The following SLC25A39 variants were observed in gnomAD, a reference collection of about 807,000 sequenced individuals.
SLC25A39 encodes the protein mitochondrial glutathione transporter SLC25A39.
Under a neutral mutation model 46.6 loss-of-function variants are expected in SLC25A39, and 44 were observed. The observed-to-expected ratio is 0.94, with a 90% CI of 0.74 to 1.21. The LOEUF (loss-of-function observed/expected upper bound fraction) is 1.21. SLC25A39 is among the 50% of genes most tolerant of loss of function. SLC25A39 has a pLI of 0.00. For missense variants in SLC25A39, 487 were observed against 473.0 expected (o/e 1.03, Z -0.28); for synonymous variants, 218 against 190.6 (o/e 1.14, Z -1.19).
chr17:44,320,284 C>T lies in SLC25A39; in HGVS notation c.884-8G>A, dbSNP rs772169814. The T allele has an allele frequency of 2.5e-5, 41 of 1,613,552 alleles. 1 individual carries two copies. The highest frequency in any genetic ancestry group is 6.7e-5 in the African/African-American group (5 of 74,938). On this transcript the variant is annotated splice_region_variant and splice_polypyrimidine_tract_variant and intron_variant, in intron 10 of 11. Coordinates refer to ENST00000377095, the MANE Select transcript of SLC25A39 (RefSeq NM_001143780.3). ...CCACATGCAGGGGGTTCACTGCAAA[C>T]GCGAGGCCGGCTCAGTGAGACCCCA... is the stretch of plus-strand genomic sequence containing the variant.
intron 7 of SLC25A39, 41 bp downstream of exon 7, chr17:44,321,393 G>A (rs2048029041): frequency 1.9e-6 from 3 of 1,612,956 alleles, no homozygotes; most frequent in African/African-American, 1.3e-5. Flanking sequence ...TTGGGCCGAG[G>A]TGGGGACAGA....
rs1178350882 is a variant in SLC25A39, at chr17:44,323,470, G to A, written c.85+8C>T. The A allele has an allele frequency of 1.6e-6, 1 of 627,136 alleles. No homozygotes were observed. 38.8% of individuals were successfully genotyped at this position (627,136 alleles called of 1,614,324 possible). A position where few individuals can be genotyped will look rare whatever the true frequency, so the allele number is the denominator to read the frequency against. On this transcript the variant is annotated splice_region_variant and intron_variant, in intron 2 of 11. Coordinates refer to ENST00000377095, the MANE Select transcript of SLC25A39 (RefSeq NM_001143780.3). ...ACCCGCCCCCACCCCACCTCCCCTA[G>A]GTCTTACTGAAGAGAGAGGTAACCA... is the stretch of plus-strand genomic sequence containing the variant.
At position 44,321,524 on chromosome 17, in the gene SLC25A39, T is replaced by G; in HGVS notation, c.427A>C (p.Thr143Pro). Residue 143 changes from threonine (T) to proline (P), a missense_variant, in exon 7 of 12, where the codon ACT becomes CCT. Coordinates refer to ENST00000377095, the MANE Select transcript of SLC25A39 (RefSeq NM_001143780.3). ...AAGGCCTTCAGTTGGTCATAGGCAG[T>G]GAAGTAGATGGCGGTAGCTGGCACA... is the stretch of plus-strand genomic sequence containing the variant. ...MTVPATAIYF[T>P]AYDQLKAFLC... is the part of the protein sequence containing the mutation. 1.9e-6 allele frequency: 3 copies of G among 1,614,024 alleles called. No individual in the cohort carries two copies. Among genetic ancestry groups the G allele is most frequent in the Non-Finnish European group, 2.5e-6 (3 of 1,179,984 alleles).
At chr17:44,320,590 C>T (rs181608971) in intron 9 of SLC25A39, 32 bp downstream of exon 9, 16 of 1,597,506 alleles carry the variant, frequency 1.0e-5, no homozygotes, top group African/African-American at 6.7e-5. Flanking sequence ...GGGAGACCTC[C>T]GCTGGCCTCA....
Position 44,322,456 on chromosome 17 carries a change from G to T in SLC25A39, c.287C>A (p.Thr96Asn). The change falls in exon 5 of 12, where the codon ACC becomes AAC. Residue 96 changes from threonine to asparagine, a missense_variant. Coordinates refer to ENST00000377095, the MANE Select transcript of SLC25A39 (RefSeq NM_001143780.3). ...YLCPNGARCA[T>N]WFQDPTRFTG... Reference sequence around the variant, plus strand: ...GAAGCGGGTAGGGTCTTGAAACCAGGTGGCACAGCGGGCACCATTTGGGCA... The same window carrying T: ...GAAGCGGGTAGGGTCTTGAAACCAGTTGGCACAGCGGGCACCATTTGGGCA... 1 of 1,614,150 alleles carries T rather than the reference G, an allele frequency of 6.2e-7. No homozygotes were observed. Among genetic ancestry groups the T allele is most frequent in the South Asian group, 1.1e-5 (1 of 91,080 alleles).
chr17:44,320,909 G>T, intron 8 of SLC25A39, 149 bp downstream of exon 8: 2 of 1,071,786 alleles, frequency 1.9e-6, no homozygotes, highest in Non-Finnish European at 2.6e-6. Context: ...TACTCTACCT[G>T]CTAGGCCCAC....
intron 5 of SLC25A39, 37 bp from the exon 6 acceptor site, chr17:44,321,804 G>A (rs779476874): frequency 1.3e-6 from 2 of 1,593,222 alleles, no homozygotes; most frequent in South Asian, 1.1e-5. Context: ...GAAGAGGAGG[G>A]ACACAAGTGA....
intron 8 of SLC25A39, 37 bp from the exon 9 acceptor site, chr17:44,320,768 GGCA>G: frequency 3.9e-6 from 6 of 1,534,480 alleles, no homozygotes; most frequent in Non-Finnish European, 5.4e-6. Flanking sequence ...AGACGGGAAG[GGCA>G]AGGAAGTGGC....
chr17:44,320,553 T>G, intron 9 of SLC25A39, 69 bp downstream of exon 9: 1 of 1,576,650 alleles, frequency 6.3e-7, no homozygotes, highest in Non-Finnish European at 8.7e-7. Context: ...CTTCTGGGCA[T>G]CTCCAAAAAT....
rs375874965 is a variant in SLC25A39 at position 44,322,485 on chromosome 17, G to A, written c.258C>T (p.Tyr86=). 1.2e-4 allele frequency: 193 copies of A among 1,614,058 alleles called. No individual in the cohort carries two copies. The highest frequency in any genetic ancestry group is 1.6e-4 in the Non-Finnish European group (188 of 1,180,032). The part of the protein sequence containing the change: ...LYCNGVLEPL[Y]LCPNGARCAT... The stretch of plus-strand genomic sequence containing the variant: ...CACAGCGGGCACCATTTGGGCACAG[G>A]TACAGAGGCTCCAGGACACCATTGC... Residue 86 remains tyrosine, a synonymous_variant, in exon 5 of 12, where the codon TAC becomes TAT. Coordinates refer to ENST00000377095, the MANE Select transcript of SLC25A39 (RefSeq NM_001143780.3).
At chr17:44,322,053 A>G (rs2048059760) in intron 5 of SLC25A39, among the ~76,000 whole-genome samples, 1 of 152,212 alleles carries the variant, frequency 6.6e-6, no homozygotes, top group Non-Finnish European at 1.5e-5. Context: ...GTTCGAGACC[A>G]GCCTGGCCAA....
intron 8 of SLC25A39, 91 bp downstream of exon 8, chr17:44,320,967 G>T: frequency 7.1e-7 from 1 of 1,407,550 alleles, no homozygotes; most frequent in Non-Finnish European, 9.5e-7. Context: ...TAACTTCATG[G>T]TCACTAGTCA....
chr17:44,319,839 T>C lies in SLC25A39; in HGVS notation c.*162A>G, dbSNP rs1428514806. On this transcript the variant is annotated 3_prime_UTR_variant, in exon 12 of 12. Coordinates refer to ENST00000377095, the MANE Select transcript of SLC25A39 (RefSeq NM_001143780.3). ...CAGGAAGAAGTTGTGTCTGAGGAAG[T>C]GCTGGGCCGCCCAGAGGGACAGCCC... The C allele has an allele frequency of 1.6e-6, 1 of 628,266 alleles. No individual in the cohort carries two copies. The highest frequency in any genetic ancestry group is 2.8e-6 in the Non-Finnish European group (1 of 361,086). 38.9% of individuals were successfully genotyped at this position (628,266 alleles called of 1,614,324 possible). A position where few individuals can be genotyped will look rare whatever the true frequency, so the allele number is the denominator to read the frequency against.
In SLC25A39 at chr17:44,322,571, C is replaced by T. The variant is rs2048083332; in HGVS notation, c.191-19G>A. On this transcript the variant is annotated intron_variant, in intron 4 of 11. Transcript: ENST00000377095. ...GAGGGCACTGGGGAAAGGCAGGGGG[C>T]ATTATAATGACAGGATCCTAGAACC... The T allele has an allele frequency of 6.2e-7, 1 of 1,612,306 alleles. No individual in the cohort carries two copies. The highest frequency in any genetic ancestry group is 1.7e-5 in the Admixed American group (1 of 59,572).
intron 11 of SLC25A39, 28 bp from the exon 12 acceptor site, chr17:44,320,144 G>A: frequency 3.1e-6 from 5 of 1,613,930 alleles, no homozygotes; most frequent in Non-Finnish European, 3.4e-6. Context: ...CCCGTGTCAG[G>A]GGTCAGGTCG....
rs1469206963 is a variant in SLC25A39, at chr17:44,319,683, G to C, written c.*318C>G. The C allele has an allele frequency of 7.8e-6, 3 of 383,394 alleles. No homozygotes were observed. The highest frequency in any genetic ancestry group is 7.6e-5 in the Admixed American group (2 of 26,284). The allele number at this position is 383,394 out of a possible 1,614,324, so 23.7% of individuals were successfully genotyped here. ...AACAAGGGTCAGGGAGACTACACCAGGCTGAGGGCTTCTTGGTTCCTGGAG... is the reference window on the plus strand; with the variant it reads ...AACAAGGGTCAGGGAGACTACACCACGCTGAGGGCTTCTTGGTTCCTGGAG... On this transcript the variant is annotated 3_prime_UTR_variant, in exon 12 of 12. Coordinates refer to ENST00000377095, the MANE Select transcript of SLC25A39 (RefSeq NM_001143780.3).
Position 44,320,343 on chromosome 17 carries a change from C to T in SLC25A39, c.883+12G>A, listed in dbSNP as rs1472212046. ...CCCACCTGTCCCCTGCCACGGCAAT[C>T]TGGGCCCTCACCTCTCACAGCCTCC... On this transcript the variant is annotated intron_variant, in intron 10 of 11. Transcript: ENST00000377095. The T allele has an allele frequency of 6.2e-7, 1 of 1,613,460 alleles. No homozygotes were observed. Among genetic ancestry groups the T allele is most frequent in the Non-Finnish European group, 8.5e-7 (1 of 1,180,026 alleles).
Position 44,322,490 on chromosome 17 carries a change from G to T in SLC25A39, c.253C>A (p.Leu85Met). The T allele has an allele frequency of 6.2e-7, 1 of 1,614,220 alleles. No homozygotes were observed. Among genetic ancestry groups the T allele is most frequent in the Non-Finnish European group, 8.5e-7 (1 of 1,180,032 alleles). The change falls in exon 5 of 12, where the codon CTG becomes ATG. Residue 85 changes from leucine to methionine, a missense_variant. Leu to Met is a conservative substitution (Grantham distance 15). Transcript: ENST00000377095. ...LLYCNGVLEPLYLCPNGARCA... is the reference protein window; with the variant it reads ...LLYCNGVLEPMYLCPNGARCA... The stretch of plus-strand genomic sequence containing the variant: ...CGGGCACCATTTGGGCACAGGTACA[G>T]AGGCTCCAGGACACCATTGCAATAC...
chr17:44,322,399 C>T lies in SLC25A39; in HGVS notation c.324+20G>A, dbSNP rs372401328. 3.4e-5 allele frequency: 55 copies of T among 1,613,712 alleles called. No homozygotes were observed. The highest frequency in any genetic ancestry group is 4.4e-5 in the Non-Finnish European group (52 of 1,179,906). On this transcript the variant is annotated intron_variant, in intron 5 of 11. Transcript: ENST00000377095. ...CCTCACGGACACCGACGAATCCCTA[C>T]GGACCCAGCTGCTCCTCACCATGGT...
Sources: gnomAD v4.1 joint callset for allele counts (sites outside exome capture counted in the v4.1 genomes callset) on GRCh38, gnomAD v4.1.1 for gene constraint, MANE v1.5 for transcripts, NCBI Gene and HGNC (gene_info 2026-07-23, HGNC 2026-07-21) for gene names.